The following NCAM2 variants were observed in gnomAD, a reference collection of about 807,000 sequenced individuals.
NCAM2 encodes neural cell adhesion molecule 2, also known as N-CAM-2.
Under a neutral mutation model 98.1 loss-of-function variants are expected in NCAM2, and 30 were observed. The ratio of observed to expected loss-of-function variants is 0.31; its 90% CI spans 0.23 to 0.41. NCAM2 has a LOEUF of 0.41. NCAM2 is among the 10% of genes least tolerant of loss of function. The pLI is 1.00. For synonymous variants in NCAM2, 368 were observed against 342.4 expected, an observed-to-expected ratio of 1.07 and a Z score of -0.83; for missense variants, 867 against 1,005.8, an observed-to-expected ratio of 0.86 and a Z score of 1.87.
At chr21:21,411,136 G>A (rs1352832211) in intron 10 of NCAM2, among the ~76,000 whole-genome samples, 1 of 68,240 alleles carries the variant, frequency 1.5e-5, no homozygotes, top group Non-Finnish European at 3.2e-5. Flanking sequence ...ACATATATAT[G>A]TATATATATA....
intron 8 of NCAM2, among the ~76,000 whole-genome samples, chr21:21,353,126 A>G: frequency 6.6e-6 from 1 of 152,144 alleles, no homozygotes; most frequent in Non-Finnish European, 1.5e-5. Context: ...TTCATTCCAT[A>G]TTATACATAC....
chr21:21,469,700 G>A (rs1337394586), intron 14 of NCAM2, among the ~76,000 whole-genome samples: 1 of 151,438 alleles, frequency 6.6e-6, no homozygotes, highest in Non-Finnish European at 1.5e-5. Context: ...GCTTCTAAAT[G>A]GAAAGATCTA....
intron 15 of NCAM2, among the ~76,000 whole-genome samples, chr21:21,503,508 A>G (rs1181308283): frequency 6.6e-6 from 1 of 151,838 alleles, no homozygotes; most frequent in Non-Finnish European, 1.5e-5. Context: ...TCATCGCACT[A>G]CTCAGAATGG....
At chr21:21,302,838 A>G (rs1465416698) in intron 5 of NCAM2, among the ~76,000 whole-genome samples, 2 of 152,156 alleles carry the variant, frequency 1.3e-5, no homozygotes, top group Admixed American at 6.6e-5. Context: ...TAGTACACAC[A>G]TGGAATCAAC....
intron 1 of NCAM2, among the ~76,000 whole-genome samples, chr21:21,266,743 G>C (rs934907268): frequency 6.6e-6 from 1 of 151,906 alleles, no homozygotes; most frequent in South Asian, 2.1e-4. Flanking sequence ...AGGGGGGAGG[G>C]ATAGCATTAG....
intron 11 of NCAM2, among the ~76,000 whole-genome samples, chr21:21,429,629 A>T (rs939208897): frequency 6.6e-6 from 1 of 152,224 alleles, no homozygotes; most frequent in Non-Finnish European, 1.5e-5. Flanking sequence ...CTGAAAAGAC[A>T]TGCAGATTAA....
chr21:21,134,216 A>G (rs577823639), intron 1 of NCAM2, among the ~76,000 whole-genome samples: 2 of 151,994 alleles, frequency 1.3e-5, no homozygotes, highest in African/African-American at 4.8e-5. Flanking sequence ...TTACAAGTGC[A>G]CGCCACCATG....
At chr21:21,030,314 C>T (rs1280035003) in intron 1 of NCAM2, among the ~76,000 whole-genome samples, 2 of 152,156 alleles carry the variant, frequency 1.3e-5, no homozygotes, top group Non-Finnish European at 1.5e-5. Flanking sequence ...TTTCAAAGGG[C>T]AGGTCCTTGA....
At chr21:21,442,720 A>G (rs942692334) in intron 12 of NCAM2, among the ~76,000 whole-genome samples, 2 of 152,178 alleles carry the variant, frequency 1.3e-5, no homozygotes, top group South Asian at 2.1e-4. Context: ...TTATTTACAT[A>G]TTAGTATATA....
intron 5 of NCAM2, among the ~76,000 whole-genome samples, chr21:21,312,002 T>C (rs1405101092): frequency 6.6e-6 from 1 of 152,174 alleles, no homozygotes; most frequent in East Asian, 1.9e-4. Context: ...TTAAATCTAT[T>C]TTTACTTGAG....
chr21:21,398,604 G>A (rs1314966783), intron 9 of NCAM2, among the ~76,000 whole-genome samples: 2 of 152,084 alleles, frequency 1.3e-5, no homozygotes, highest in African/African-American at 4.8e-5. Flanking sequence ...ATAAAAGTTT[G>A]GATTTAAGGA....
At chr21:21,236,998 C>T (rs1353052788) in intron 1 of NCAM2, among the ~76,000 whole-genome samples, 1 of 152,034 alleles carries the variant, frequency 6.6e-6, no homozygotes, top group Non-Finnish European at 1.5e-5. Context: ...TTTTATTTTC[C>T]TTAAGGCCAA....
intron 9 of NCAM2, among the ~76,000 whole-genome samples, chr21:21,399,837 AC>A (rs1255757999): frequency 6.6e-6 from 1 of 152,164 alleles, no homozygotes; most frequent in African/African-American, 2.4e-5. Flanking sequence ...GGTCACAGTT[AC>A]CAACCACAAA....
At chr21:21,250,181 A>G (rs2071420887) in intron 1 of NCAM2, among the ~76,000 whole-genome samples, 1 of 152,236 alleles carries the variant, frequency 6.6e-6, no homozygotes, top group African/African-American at 2.4e-5. Flanking sequence ...TAATTGAGCA[A>G]GACAAAGCTT....
At chr21:21,345,590 T>TA (rs997062354) in intron 8 of NCAM2, among the ~76,000 whole-genome samples, 21 of 150,746 alleles carry the variant, frequency 1.4e-4, no homozygotes, top group Non-Finnish European at 2.2e-4. Context: ...AAAAAAAGAA[T>TA]AAAAAAAATG....
intron 9 of NCAM2, among the ~76,000 whole-genome samples, chr21:21,397,786 A>T (rs775042977): frequency 6.6e-6 from 1 of 152,142 alleles, no homozygotes; most frequent in Non-Finnish European, 1.5e-5. Flanking sequence ...GAGTGCACAA[A>T]CCTGGCCAGA....
At chr21:21,335,176 G>A (rs781614093) in intron 6 of NCAM2, among the ~76,000 whole-genome samples, 4 of 151,728 alleles carry the variant, frequency 2.6e-5, no homozygotes, top group Non-Finnish European at 5.9e-5. Flanking sequence ...ATTGTGTATG[G>A]GATTAAAAAC....
intron 1 of NCAM2, among the ~76,000 whole-genome samples, chr21:21,124,310 A>G (rs1423342703): frequency 2.6e-5 from 4 of 152,142 alleles, no homozygotes; most frequent in African/African-American, 7.2e-5. Flanking sequence ...TCATTCTTAT[A>G]TTTAGAATGT....
intron 10 of NCAM2, among the ~76,000 whole-genome samples, chr21:21,413,386 T>A (rs2076926142): frequency 6.6e-6 from 1 of 152,198 alleles, no homozygotes; most frequent in Non-Finnish European, 1.5e-5. Flanking sequence ...AGCTTCTTGA[T>A]TAATATTATA....
Sources: allele counts gnomAD v4.1 joint callset (sites outside exome capture counted in the v4.1 genomes callset), GRCh38; gene constraint gnomAD v4.1.1; transcripts MANE v1.5; gene names NCBI Gene and HGNC (gene_info 2026-07-23, HGNC 2026-07-21).